Variants in PPIL6 observed in about 807,000 individuals in gnomAD.
The protein encoded by PPIL6 is peptidylprolyl isomerase like 6.
PPIL6 carries 39 observed loss-of-function variants against 36.8 expected under a neutral mutation model. The observed-to-expected ratio is 1.06, with a 90% CI of 0.82 to 1.38. The LOEUF is 1.38. PPIL6 is among the 40% of genes most tolerant of loss of function. The probability of loss-of-function intolerance (pLI) is 0.00; values close to 1 mark genes in which losing one functional copy is unlikely to be tolerated. For synonymous variants in PPIL6, 123 were observed against 134.1 expected, an observed-to-expected ratio of 0.92 and a Z score of 0.57; for missense variants, 368 against 379.1, an observed-to-expected ratio of 0.97 and a Z score of 0.24.
upstream of PPIL6, chr6:109,441,063 C>T: frequency 6.3e-7 from 1 of 1,577,624 alleles, no homozygotes; most frequent in Non-Finnish European, 8.7e-7. Flanking sequence ...CGCCCCCGTC[C>T]CCACCGCGGC....
At chr6:109,412,975 T>C (rs1477987921) in intron 6 of PPIL6, among the ~76,000 whole-genome samples, 1 of 152,040 alleles carries the variant, frequency 6.6e-6, no homozygotes, top group East Asian at 1.9e-4. Context: ...CTGGCCAACA[T>C]GGTGAAACCC....
At chr6:109,423,281 C>T (rs770077648) in intron 5 of PPIL6, among the ~76,000 whole-genome samples, 64 of 152,102 alleles carry the variant, frequency 4.2e-4, no homozygotes, top group Middle Eastern at 3.2e-3. Flanking sequence ...GCAGGAGGAT[C>T]ACTTGAACCC....
intron 1 of PPIL6, among the ~76,000 whole-genome samples, chr6:109,437,163 C>T (rs1413596884): frequency 6.6e-6 from 1 of 152,164 alleles, no homozygotes; most frequent in Non-Finnish European, 1.5e-5. Flanking sequence ...TCTTGATATT[C>T]GTTATACTTT....
In PPIL6 at chr6:109,392,691, G is replaced by T; in HGVS notation, c.*135C>A. The T allele has an allele frequency of 1.7e-6, 1 of 589,372 alleles. No homozygotes were observed. The highest frequency in any genetic ancestry group is 3.0e-5 in the East Asian group (1 of 33,760). The allele number at this position is 589,372 out of a possible 1,614,324, so 36.5% of individuals were successfully genotyped here. A position where few individuals can be genotyped will look rare whatever the true frequency, so the allele number is the denominator to read the frequency against. On this transcript the variant is annotated 3_prime_UTR_variant, in exon 8 of 8. Transcript: ENST00000521072. ...CAGGAAAGGAAGATGGGGAGGGATT[G>T]GGTGTAGATGAGGCAACCTACAGTG...
intron 6 of PPIL6, among the ~76,000 whole-genome samples, chr6:109,410,841 T>G (rs935316039): frequency 1.3e-5 from 2 of 152,100 alleles, no homozygotes; most frequent in Non-Finnish European, 2.9e-5. Context: ...AACTGCCTAG[T>G]CTGGGAAGGT....
At chr6:109,430,030 T>C (rs1774046695) in intron 3 of PPIL6, among the ~76,000 whole-genome samples, 1 of 152,182 alleles carries the variant, frequency 6.6e-6, no homozygotes, top group African/African-American at 2.4e-5. Flanking sequence ...TGTTTGAACA[T>C]TAAATGCCTC....
At chr6:109,423,979 A>C (rs1773683563) in intron 5 of PPIL6, among the ~76,000 whole-genome samples, 1 of 152,222 alleles carries the variant, frequency 6.6e-6, no homozygotes, top group African/African-American at 2.4e-5. Flanking sequence ...ATAGATAAAA[A>C]TTTCTGCCCC....
intron 6 of PPIL6, among the ~76,000 whole-genome samples, chr6:109,406,438 G>C (rs1203785364): frequency 6.6e-6 from 1 of 152,086 alleles, no homozygotes; most frequent in Admixed American, 6.6e-5. Flanking sequence ...GAGTCCAGAG[G>C]CTTAGTCAGA....
At chr6:109,433,016 T>C (rs1774236278) in intron 2 of PPIL6, among the ~76,000 whole-genome samples, 1 of 152,162 alleles carries the variant, frequency 6.6e-6, no homozygotes, top group Admixed American at 6.5e-5. Context: ...CTGGAGTGTT[T>C]AAATTTATCA....
Position 109,431,206 on chromosome 6 carries a change from TA to T in PPIL6, c.370del (p.Tyr124MetfsTer13). The T allele has an allele frequency of 6.2e-7, 1 of 1,613,584 alleles. No homozygotes were observed. Among genetic ancestry groups the T allele is most frequent in the South Asian group, 1.1e-5 (1 of 90,918 alleles). Reference protein sequence around the residue: ...DIVDIKPSALYDALTEDFSAK... With the variant: ...DIVDIKPSALXDALTEDFSAK... ...GGAAAAATCCTCAGTGAGTGCGTCA[TA>T]AAGTGCAGAGGGTTTAATGTCAACT... On this transcript the variant is annotated frameshift_variant, in exon 3 of 8. Coordinates refer to ENST00000521072, the MANE Select transcript of PPIL6 (RefSeq NM_173672.5). LOFTEE classifies it high-confidence loss of function.
chr6:109,402,987 G>T, intron 6 of PPIL6: 2 of 1,268,648 alleles, frequency 1.6e-6, no homozygotes, highest in Non-Finnish European at 2.2e-6. Context: ...GTGTTATTTT[G>T]TTCTGCCGTG....
rs1331506393 is a variant in PPIL6 at position 109,390,625 on chromosome 6, CTG to C, written c.*2199_*2200del. On this transcript the variant is annotated 3_prime_UTR_variant, in exon 8 of 8. Coordinates refer to ENST00000521072, the MANE Select transcript of PPIL6 (RefSeq NM_173672.5). ...GGCAGAGGGCAGGGGAGTGGGTTGA[CTG>C]TAAAGGGGTACTGGAAGGGGGTCTT... 1 of 152,266 alleles carries C rather than the reference CTG, an allele frequency of 6.6e-6. No individual in the cohort carries two copies. The highest frequency in any genetic ancestry group is 6.5e-5 in the Admixed American group (1 of 15,270). The allele number at this position is 152,266 out of a possible 1,614,324, so 9.4% of individuals were successfully genotyped here. A position where few individuals can be genotyped will look rare whatever the true frequency, so the allele number is the denominator to read the frequency against.
chr6:109,429,850 C>T (rs1345245878), intron 3 of PPIL6, among the ~76,000 whole-genome samples: 4 of 152,190 alleles, frequency 2.6e-5, no homozygotes, highest in East Asian at 1.9e-4. Context: ...CCTTTCAATA[C>T]ACACCTTTTC....
chr6:109,422,860 A>G (rs1373027361), intron 5 of PPIL6, among the ~76,000 whole-genome samples: 2 of 152,222 alleles, frequency 1.3e-5, no homozygotes, highest in Non-Finnish European at 2.9e-5. Flanking sequence ...ACAACATGAA[A>G]TGTTTTATGA....
intron 1 of PPIL6, among the ~76,000 whole-genome samples, chr6:109,437,547 T>C (rs938531291): frequency 2.2e-5 from 3 of 138,684 alleles, no homozygotes; most frequent in African/African-American, 8.8e-5. Context: ...CTATTTCTTT[T>C]CTTTTTTTTT....
chr6:109,395,831 C>CT (rs35305087), intron 7 of PPIL6, among the ~76,000 whole-genome samples: 105 of 106,562 alleles, frequency 9.9e-4, no homozygotes, highest in African/African-American at 1.9e-3. Context: ...GTCTCGATCT[C>CT]TTTTTTTTTT....
intron 1 of PPIL6, among the ~76,000 whole-genome samples, chr6:109,436,729 A>G (rs1774468235): frequency 6.6e-6 from 1 of 152,194 alleles, no homozygotes; most frequent in African/African-American, 2.4e-5. Context: ...TCAAAAAACA[A>G]AAAACAAAAA....
intron 3 of PPIL6, among the ~76,000 whole-genome samples, chr6:109,429,473 AC>A (rs1288209419): frequency 1.3e-5 from 2 of 151,810 alleles, no homozygotes; most frequent in Non-Finnish European, 2.9e-5. Flanking sequence ...AAATCTGAGT[AC>A]CCTTCCTATC....
intron 3 of PPIL6, among the ~76,000 whole-genome samples, chr6:109,430,400 C>T (rs1328872820): frequency 6.6e-6 from 1 of 151,874 alleles, no homozygotes; most frequent in Non-Finnish European, 1.5e-5. Flanking sequence ...CACAGCCTGT[C>T]TGGGCTTGCT....
Sources: gnomAD v4.1 joint callset for allele counts (sites outside exome capture counted in the v4.1 genomes callset) on GRCh38, gnomAD v4.1.1 for gene constraint, MANE v1.5 for transcripts, NCBI Gene and HGNC (gene_info 2026-07-23, HGNC 2026-07-21) for gene names.